Variants in RNF149 observed in about 807,000 individuals in gnomAD.
RNF149 encodes E3 ubiquitin-protein ligase RNF149.
A neutral mutation model predicts 39.0 loss-of-function variants in RNF149; 21 were observed. That is an observed-to-expected ratio of 0.54 (90% CI 0.38 to 0.77). The LOEUF (loss-of-function observed/expected upper bound fraction) is 0.77. RNF149 is among the 30% of genes least tolerant of loss of function. The pLI is 0.00. For synonymous variants in RNF149, 209 were observed against 213.6 expected (o/e 0.98, Z 0.19); for missense variants, 493 against 534.9 (o/e 0.92, Z 0.77).
At chr2:101,281,715 G>T in intron 6 of RNF149, 144 bp downstream of exon 6, 1 of 937,058 alleles carries the variant, frequency 1.1e-6, no homozygotes, top group South Asian at 1.5e-5. Flanking sequence ...TGCCCAGGCT[G>T]TTCTCAAATT....
intron 6 of RNF149, among the ~76,000 whole-genome samples, chr2:101,280,052 G>C (rs1375343324): frequency 6.6e-6 from 1 of 152,012 alleles, no homozygotes; most frequent in African/African-American, 2.4e-5. Context: ...CAGCACTTTG[G>C]GAGTCCCAGG....
At chr2:101,293,960 A>G (rs984572924) in intron 3 of RNF149, 54 bp downstream of exon 3, 7 of 1,006,482 alleles carry the variant, frequency 7.0e-6, no homozygotes, top group Non-Finnish European at 1.1e-5. Flanking sequence ...AAACACGTAC[A>G]GCATATTCTC....
chr2:101,278,122 T>C (rs1350229780), intron 6 of RNF149, among the ~76,000 whole-genome samples: 1 of 152,176 alleles, frequency 6.6e-6, no homozygotes, highest in Admixed American at 6.5e-5. Flanking sequence ...CCCATTACTT[T>C]TTATTTTGCC....
rs1682352188 is a variant in RNF149 at position 101,276,579 on chromosome 2, A to G, written c.*659T>C. 3 of 985,784 alleles carry G rather than the reference A, an allele frequency of 3.0e-6. No individual in the cohort carries two copies. Among genetic ancestry groups the G allele is most frequent in the Non-Finnish European group, 3.6e-6 (3 of 829,926 alleles). 61.1% of individuals were successfully genotyped at this position (985,784 alleles called of 1,614,324 possible). ...GCTTTTTATTTGTAGGAAAAAATAA[A>G]CAGATTTCCCTCCCCAACAAGGCGT... On this transcript the variant is annotated 3_prime_UTR_variant, in exon 7 of 7. Coordinates refer to ENST00000295317, the MANE Select transcript of RNF149 (RefSeq NM_173647.4).
chr2:101,307,734 C>A, intron 1 of RNF149: 3 of 780,882 alleles, frequency 3.8e-6, no homozygotes, highest in Non-Finnish European at 4.7e-6. Context: ...GACAACCGAT[C>A]GTGGGGCGCG....
In RNF149 at chr2:101,281,718, C is replaced by A. The variant is rs527436134; in HGVS notation, c.1159+141G>T. 2.4e-5 allele frequency: 24 copies of A among 989,162 alleles called. No homozygotes were observed. In the East Asian group the frequency reaches 5.4e-4, roughly 22 times the overall value. The allele number at this position is 989,162 out of a possible 1,614,324, so 61.3% of individuals were successfully genotyped here. Reference sequence around the variant, plus strand: ...GTCTCACTATGCTGCCCAGGCTGTTCTCAAATTTCTGGTTACTTACTCTTC... The same window carrying A: ...GTCTCACTATGCTGCCCAGGCTGTTATCAAATTTCTGGTTACTTACTCTTC... On this transcript the variant is annotated intron_variant, in intron 6 of 6. Transcript: ENST00000295317.
At position 101,295,645 on chromosome 2, in the gene RNF149, T is replaced by C. The variant is rs1452555783; in HGVS notation, c.461-464A>G. 2.9e-5 allele frequency among the ~76,000 whole-genome samples: 4 copies of C among 136,730 alleles called. No individual in the cohort carries two copies. The East Asian group carries it at 6.5e-4, about 22-fold the overall frequency. The allele number at this position is 136,730 out of a possible 152,430, so 89.7% of individuals were successfully genotyped here. On this transcript the variant is annotated intron_variant, in intron 1 of 6. Coordinates refer to ENST00000295317, the MANE Select transcript of RNF149 (RefSeq NM_173647.4). ...CACTGCACTCCAGCCCGGGCGACAG[T>C]GCGAGACCCCATCTCAAAAAAAAAA... is the stretch of plus-strand genomic sequence containing the variant.
chr2:101,296,687 C>G (rs1396280914), intron 1 of RNF149, among the ~76,000 whole-genome samples: 5 of 152,076 alleles, frequency 3.3e-5, no homozygotes, highest in Non-Finnish European at 7.4e-5. Context: ...ATCCATTTCT[C>G]ACAACTTACG....
chr2:101,280,201 A>AATAATAATAATG (rs70943072), intron 6 of RNF149, among the ~76,000 whole-genome samples: 170 of 146,634 alleles, frequency 1.2e-3, no homozygotes, highest in Non-Finnish European at 1.7e-3. Context: ...TAATAATAAT[A>AATAATAATAATG]ATGATGATGA....
chr2:101,307,833 T>C, intron 1 of RNF149: 1 of 985,330 alleles, frequency 1.0e-6, no homozygotes, highest in Non-Finnish European at 1.2e-6. Context: ...ATCATGAGAT[T>C]TCCTCACCTG....
chr2:101,305,001 C>T (rs1290636202), intron 1 of RNF149, among the ~76,000 whole-genome samples: 4 of 151,898 alleles, frequency 2.6e-5, no homozygotes, highest in Non-Finnish European at 4.4e-5. Context: ...CCACCATGCC[C>T]GGCTAATTTT....
intron 4 of RNF149, chr2:101,286,419 G>C (rs911642065): frequency 1.2e-5 from 4 of 323,276 alleles, no homozygotes; most frequent in Non-Finnish European, 2.3e-5. Flanking sequence ...CTCACGCTAG[G>C]TTGTACATTT....
chr2:101,282,285 C>T (rs1300993322), intron 5 of RNF149, among the ~76,000 whole-genome samples: 2 of 151,796 alleles, frequency 1.3e-5, no homozygotes. Flanking sequence ...AACATTTCCC[C>T]TCCTTGATAC....
chr2:101,308,184 G>A lies in RNF149; in HGVS notation c.405C>T (p.Val135=). The A allele has an allele frequency of 6.2e-7, 1 of 1,610,648 alleles. No individual in the cohort carries two copies. The highest frequency in any genetic ancestry group is 1.1e-5 in the South Asian group (1 of 90,966). The change falls in exon 1 of 7, where the codon GTC becomes GTT. Residue 135 remains valine (V), a synonymous_variant. Transcript: ENST00000295317. The part of the protein sequence containing the change: ...LVAARRNASA[V]VLYNEERYGN... ...CGTAGCGCTCCTCATTGTAGAGGAC[G>A]ACGGCCGAGGCGTTCCTCCGCGCCG...
intron 6 of RNF149, 80 bp downstream of exon 6, chr2:101,281,779 C>T (rs1218980464): frequency 6.5e-7 from 1 of 1,544,258 alleles, no homozygotes; most frequent in Non-Finnish European, 8.9e-7. Flanking sequence ...CCACCTTAAA[C>T]TCCCAAAGCA....
At chr2:101,285,823 A>G (rs1275531095) in intron 5 of RNF149, among the ~76,000 whole-genome samples, 1 of 152,254 alleles carries the variant, frequency 6.6e-6, no homozygotes, top group Non-Finnish European at 1.5e-5. Flanking sequence ...GCAGCATGCC[A>G]AAACACATTA....
rs770667055 is a variant in RNF149, at chr2:101,276,512, G to A, written c.*726C>T. ...TCTGCCTACTCATTTTCCTTAACAA[G>A]GCAATGAAGAACTTAATGCTCATGT... On this transcript the variant is annotated 3_prime_UTR_variant, in exon 7 of 7. Transcript: ENST00000295317. 2.9e-5 allele frequency: 29 copies of A among 985,538 alleles called. No homozygotes were observed. The highest frequency in any genetic ancestry group is 5.2e-5 in the African/African-American group (3 of 57,180). The allele number at this position is 985,538 out of a possible 1,614,324, so 61.0% of individuals were successfully genotyped here.
intron 1 of RNF149, among the ~76,000 whole-genome samples, chr2:101,298,686 A>C (rs1683335854): frequency 6.6e-6 from 1 of 152,146 alleles, no homozygotes; most frequent in African/African-American, 2.4e-5. Flanking sequence ...AAAAACAACG[A>C]AAACCCAAAG....
chr2:101,282,763 A>G (rs1156899719), intron 5 of RNF149, among the ~76,000 whole-genome samples: 1 of 152,100 alleles, frequency 6.6e-6, no homozygotes, highest in Non-Finnish European at 1.5e-5. Context: ...CAGGTTGACT[A>G]TGACCTTCTG....
Sources: allele counts gnomAD v4.1 joint callset (sites outside exome capture counted in the v4.1 genomes callset), GRCh38; gene constraint gnomAD v4.1.1; transcripts MANE v1.5; gene names NCBI Gene and HGNC (gene_info 2026-07-23, HGNC 2026-07-21).